Variants in GALM observed in about 807,000 individuals in gnomAD.
GALM encodes aldose 1-epimerase.
Under a neutral mutation model 37.4 loss-of-function variants are expected in GALM, and 43 were observed. The ratio of observed to expected loss-of-function variants is 1.15; its 90% CI spans 0.90 to 1.48. The LOEUF (loss-of-function observed/expected upper bound fraction) is 1.48. GALM is among the 40% of genes most tolerant of loss of function. The probability of loss-of-function intolerance (pLI) is 0.00; values close to 1 mark genes in which losing one functional copy is unlikely to be tolerated. For missense variants in GALM, 456 were observed against 419.1 expected, an observed-to-expected ratio of 1.09 and a Z score of -0.77; for synonymous variants, 199 against 170.6, an observed-to-expected ratio of 1.17 and a Z score of -1.30.
At chr2:38,672,041 A>C (rs917108652) in intron 1 of GALM, among the ~76,000 whole-genome samples, 11 of 151,964 alleles carry the variant, frequency 7.2e-5, no homozygotes, top group Non-Finnish European at 1.0e-4. Flanking sequence ...AAAAAAAAAA[A>C]CAACAAAAAA....
chr2:38,722,928 G>A (rs1666413799), intron 4 of GALM, among the ~76,000 whole-genome samples: 1 of 152,236 alleles, frequency 6.6e-6, no homozygotes, highest in South Asian at 2.1e-4. Flanking sequence ...AGTTGCCGGG[G>A]GCTCAAACTC....
intron 6 of GALM, 132 bp downstream of exon 6, chr2:38,732,041 A>T: frequency 1.2e-6 from 1 of 804,730 alleles, no homozygotes; most frequent in Non-Finnish European, 2.0e-6. Context: ...GTTTTTTGAG[A>T]CAGAGTCTCA....
At chr2:38,681,949 G>C (rs766398452) in intron 3 of GALM, among the ~76,000 whole-genome samples, 1 of 152,266 alleles carries the variant, frequency 6.6e-6, no homozygotes, top group Non-Finnish European at 1.5e-5. Context: ...GGGTGGGCCA[G>C]TCCTGCCCTG....
intron 4 of GALM, among the ~76,000 whole-genome samples, chr2:38,718,163 T>A (rs1344483108): frequency 6.6e-6 from 1 of 150,472 alleles, no homozygotes; most frequent in Non-Finnish European, 1.5e-5. Context: ...ATAACATGCT[T>A]AATATTTGTA....
At chr2:38,730,521 T>G (rs1302294890) in intron 5 of GALM, among the ~76,000 whole-genome samples, 1 of 152,138 alleles carries the variant, frequency 6.6e-6, no homozygotes, top group East Asian at 1.9e-4. Context: ...CACCTCGGCC[T>G]CCCAAAGTGC....
At chr2:38,722,030 T>TCCCCCCCCCCCCCCCCCCCCCCCCC (rs1491365976) in intron 4 of GALM, among the ~76,000 whole-genome samples, 1 of 41,394 alleles carries the variant, frequency 2.4e-5, no homozygotes, top group Admixed American at 4.0e-4. Flanking sequence ...TGCCTTCCCT[T>TCCCCCCCCCCCCCCCCCCCCCCCCC]CCCCCCCCCA....
rs564254950 is a variant in GALM at position 38,716,832 on chromosome 2, G to A, written c.635-12724G>A. Among the ~76,000 whole-genome samples, 8 of 152,156 alleles carry A rather than the reference G, an allele frequency of 5.3e-5. No individual in the cohort carries two copies. The South Asian group carries it at 1.5e-3, about 28-fold the overall frequency. On this transcript the variant is annotated intron_variant, in intron 4 of 6. Transcript: ENST00000272252. ...GAATAGCCACTGCACTGCAGCCTAG[G>A]CAACATAAGAGACCCTGACTCTAAA...
intron 4 of GALM, among the ~76,000 whole-genome samples, chr2:38,722,253 C>A (rs1666398521): frequency 6.6e-6 from 1 of 151,968 alleles, no homozygotes; most frequent in Non-Finnish European, 1.5e-5. Flanking sequence ...CTTGCCCCCT[C>A]CCTCCTTCTT....
intron 4 of GALM, among the ~76,000 whole-genome samples, chr2:38,707,873 C>T (rs965178702): frequency 9.9e-5 from 15 of 151,994 alleles, no homozygotes; most frequent in African/African-American, 2.9e-4. Flanking sequence ...TCTGGGAGGC[C>T]GAGGTGGGTG....
At chr2:38,670,079 G>T (rs913761420) in intron 1 of GALM, among the ~76,000 whole-genome samples, 8 of 151,678 alleles carry the variant, frequency 5.3e-5, no homozygotes, top group Non-Finnish European at 7.4e-5. Context: ...GTCAGGGCTG[G>T]TCTCAAACTC....
chr2:38,705,614 T>C (rs546972555), intron 4 of GALM, among the ~76,000 whole-genome samples: 14 of 151,614 alleles, frequency 9.2e-5, no homozygotes, highest in Admixed American at 4.6e-4. Flanking sequence ...AATGCAGGAG[T>C]GGTGATGACT....
At chr2:38,687,012 C>G (rs557642595) in intron 3 of GALM, among the ~76,000 whole-genome samples, 127 of 152,288 alleles carry the variant, frequency 8.3e-4, no homozygotes, top group African/African-American at 3.0e-3. Flanking sequence ...CCCAGTTTAG[C>G]GCCACCAAGG....
chr2:38,702,343 A>T (rs193049182), intron 4 of GALM, among the ~76,000 whole-genome samples: 440 of 152,292 alleles, frequency 2.9e-3, no homozygotes, highest in African/African-American at 9.3e-3. Context: ...ATAAAAATTT[A>T]AAAATTTTAA....
In GALM at chr2:38,717,127, G is replaced by A. The variant is rs115792115; in HGVS notation, c.635-12429G>A. 5.3e-3 allele frequency among the ~76,000 whole-genome samples: 799 copies of A among 152,138 alleles called. 3 individuals carry two copies. The highest frequency in any genetic ancestry group is 9.6e-3 in the Non-Finnish European group (650 of 67,998). On this transcript the variant is annotated intron_variant, in intron 4 of 6. Coordinates refer to ENST00000272252, the MANE Select transcript of GALM (RefSeq NM_138801.3). ...TAGCTAGGCGTGGGAGCACATGCCT[G>A]TAGTCCCAGCTACTCGGTAGGCCGA... is the stretch of plus-strand genomic sequence containing the variant.
At chr2:38,675,529 TTTTTTTTTTTTTTTTGTGTGTGTGTGTG>T (rs1558577554) in intron 1 of GALM, among the ~76,000 whole-genome samples, 2,514 of 76,900 alleles carry the variant, frequency 0.033, 123 homozygotes, top group African/African-American at 0.16. Flanking sequence ...TTTTTTTGTT[TTTTTTTTTTTTTTTTGTGTGTGTGTGTG>T]TGTGTGTGTG....
intron 4 of GALM, among the ~76,000 whole-genome samples, chr2:38,702,767 C>A (rs1187173348): frequency 1.3e-5 from 2 of 151,486 alleles, no homozygotes; most frequent in Non-Finnish European, 2.9e-5. Context: ...GAAAACTAAT[C>A]TATACTGAAC....
chr2:38,698,365 G>T (rs1317227400), intron 4 of GALM: 1 of 1,304,246 alleles, frequency 7.7e-7, no homozygotes, highest in South Asian at 1.2e-5. Flanking sequence ...TCCCATGGCA[G>T]GTGGCACCAA....
chr2:38,684,481 C>T (rs569225303), intron 3 of GALM, among the ~76,000 whole-genome samples: 1 of 151,806 alleles, frequency 6.6e-6, no homozygotes, highest in African/African-American at 2.4e-5. Context: ...AAGACCAGAC[C>T]GGGCAACATA....
chr2:38,675,149 T>C (rs1054150335), intron 1 of GALM, among the ~76,000 whole-genome samples: 1 of 152,114 alleles, frequency 6.6e-6, no homozygotes, highest in South Asian at 2.1e-4. Context: ...CACTCCAGCC[T>C]GGGCAACAGA....
Sources: allele counts gnomAD v4.1 joint callset (sites outside exome capture counted in the v4.1 genomes callset), GRCh38; gene constraint gnomAD v4.1.1; transcripts MANE v1.5; gene names NCBI Gene and HGNC (gene_info 2026-07-23, HGNC 2026-07-21).